CD44: variants seen among roughly 807,000 people sequenced by gnomAD.
CD44 encodes the protein CD44 molecule (IN blood group).
Under a neutral mutation model 88.8 loss-of-function variants are expected in CD44, and 49 were observed. That is an observed-to-expected ratio of 0.55 (90% CI 0.44 to 0.70). The LOEUF is 0.70. Among genes scored for constraint, CD44 ranks in the 30% least tolerant of loss-of-function variants. The pLI, the probability that CD44 is intolerant of heterozygous loss-of-function variation, is 0.00. For missense variants in CD44, 883 were observed against 913.8 expected, an observed-to-expected ratio of 0.97 and a Z score of 0.43; for synonymous variants, 325 against 312.3, an observed-to-expected ratio of 1.04 and a Z score of -0.43.
intron 1 of CD44, among the ~76,000 whole-genome samples, chr11:35,155,883 G>A (rs1941799385): frequency 6.6e-6 from 1 of 152,236 alleles, no homozygotes; most frequent in East Asian, 1.9e-4. Flanking sequence ...AAGTGTTTTC[G>A]GTTCCATTAT....
intron 1 of CD44, among the ~76,000 whole-genome samples, chr11:35,175,951 T>C (rs767632119): frequency 5.4e-5 from 8 of 149,028 alleles, no homozygotes; most frequent in Non-Finnish European, 1.2e-4. Flanking sequence ...CTGTAACCTC[T>C]GCCTCCTGGT....
rs748686672 is a variant in CD44, at chr11:35,201,744, T to C, written c.1110T>C (p.His370=). ...NPEAHPPLIH[H]EHHEEEETPH... is the part of the protein sequence containing the mutation. The stretch of plus-strand genomic sequence containing the variant: ...AAGCACACCCTCCCCTCATTCACCA[T>C]GAGCATCATGAGGAAGAAGAGACCC... The change falls in exon 9 of 18, where the codon CAT becomes CAC. Residue 370 remains histidine, a synonymous_variant. Coordinates refer to ENST00000428726, the MANE Select transcript of CD44 (RefSeq NM_000610.4). 5 of 1,613,606 alleles carry C rather than the reference T, an allele frequency of 3.1e-6. No individual in the cohort carries two copies. The African/African-American group carries it at 6.7e-5, about 22-fold the overall frequency.
chr11:35,143,564 C>T (rs1858438968), intron 1 of CD44, among the ~76,000 whole-genome samples: 2 of 152,086 alleles, frequency 1.3e-5, no homozygotes, highest in Admixed American at 6.5e-5. Context: ...TGTTAGACTC[C>T]AATGCTTATG....
intron 14 of CD44, among the ~76,000 whole-genome samples, chr11:35,214,221 A>G (rs1417372459): frequency 6.6e-6 from 1 of 152,174 alleles, no homozygotes; most frequent in Non-Finnish European, 1.5e-5. Context: ...TAAACTTACT[A>G]TAATACCCAT....
chr11:35,208,278 G>A, intron 12 of CD44, 72 bp downstream of exon 12: 2 of 1,025,172 alleles, frequency 2.0e-6, no homozygotes, highest in Non-Finnish European at 3.1e-6. Flanking sequence ...TATTGGCCAA[G>A]ATGCAGAGCT....
At chr11:35,192,401 C>T (rs182110035) in intron 5 of CD44, among the ~76,000 whole-genome samples, 4 of 152,292 alleles carry the variant, frequency 2.6e-5, no homozygotes, top group Non-Finnish European at 4.4e-5. Context: ...TTCTAAAGTC[C>T]AGTGAGGAGA....
chr11:35,176,777 C>T lies in CD44; in HGVS notation c.233+37C>T, dbSNP rs375417895. On this transcript the variant is annotated intron_variant, in intron 2 of 17. Transcript: ENST00000428726. ...GCACCCGACCACTGGGGAAAGCTGG[C>T]GGCCTGGGACCAGGCAGCTGGGCTT... The T allele has an allele frequency of 1.1e-5, 17 of 1,594,888 alleles. No individual in the cohort carries two copies. The African/African-American group carries it at 1.6e-4, about 15-fold the overall frequency.
At position 35,181,043 on chromosome 11, in the gene CD44, C is replaced by T. The variant is rs144779084; in HGVS notation, c.367+636C>T. Among the ~76,000 whole-genome samples, 14 of 152,204 alleles carry T rather than the reference C, an allele frequency of 9.2e-5. No individual in the cohort carries two copies. The East Asian group carries it at 9.7e-4, about 10-fold the overall frequency. ...AGAGAGCTAAGCAAGGGCCAGCTAA[C>T]GGGGTGATTCATTCTCAGTGTGATG... On this transcript the variant is annotated intron_variant, in intron 3 of 17. Transcript: ENST00000428726.
At chr11:35,158,155 C>T (rs572312011) in intron 1 of CD44, among the ~76,000 whole-genome samples, 1 of 152,206 alleles carries the variant, frequency 6.6e-6, no homozygotes, top group Non-Finnish European at 1.5e-5. Flanking sequence ...AAAGTAGCTT[C>T]CCAGAGCCCT....
chr11:35,166,388 A>G (rs1943265078), intron 1 of CD44, among the ~76,000 whole-genome samples: 1 of 151,832 alleles, frequency 6.6e-6, no homozygotes, highest in South Asian at 2.1e-4. Flanking sequence ...CAGGACCAGG[A>G]GTGGGGGGTT....
At chr11:35,184,419 T>C (rs191968685) in intron 3 of CD44, among the ~76,000 whole-genome samples, 3 of 152,302 alleles carry the variant, frequency 2.0e-5, no homozygotes, top group East Asian at 3.9e-4. Flanking sequence ...GTTTCATCCC[T>C]GGCATCAAGA....
intron 1 of CD44, among the ~76,000 whole-genome samples, chr11:35,167,982 C>T (rs1163629281): frequency 6.6e-6 from 1 of 152,238 alleles, no homozygotes; most frequent in African/African-American, 2.4e-5. Context: ...GAGAAGCAGT[C>T]AGCCCACTGC....
Position 35,196,776 on chromosome 11 carries a change from A to C in CD44, c.698A>C (p.Glu233Ala), listed in dbSNP as rs1946799342. 1 of 1,613,778 alleles carries C rather than the reference A, an allele frequency of 6.2e-7. No homozygotes were observed. The highest frequency in any genetic ancestry group is 8.5e-7 in the Non-Finnish European group (1 of 1,179,804). ...TLMSTSATAT[E>A]TATKRQETWD... ...ATGAGCACTAGTGCTACAGCAACTGAGACAGCAACCAAGAGGCAAGAAACC... is the reference window on the plus strand; with the variant it reads ...ATGAGCACTAGTGCTACAGCAACTGCGACAGCAACCAAGAGGCAAGAAACC... The change falls in exon 6 of 18, where the codon GAG becomes GCG. Residue 233 changes from glutamate (E) to alanine (A), a missense_variant. This residue lies in a region of CD44 where 252 missense variants were observed against 322.9 expected (regional missense o/e 0.78). Coordinates refer to ENST00000428726, the MANE Select transcript of CD44 (RefSeq NM_000610.4).
intron 1 of CD44, among the ~76,000 whole-genome samples, chr11:35,148,878 T>C (rs1859737048): frequency 6.6e-6 from 1 of 152,256 alleles, no homozygotes; most frequent in South Asian, 2.1e-4. Flanking sequence ...TCTTCATTTT[T>C]TTTCTTTCTG....
intron 1 of CD44, among the ~76,000 whole-genome samples, chr11:35,165,216 G>A (rs575577838): frequency 8.5e-5 from 13 of 152,310 alleles, no homozygotes; most frequent in Non-Finnish European, 1.8e-4. Flanking sequence ...ATGTCAGGGA[G>A]AGAAAGAAAC....
At chr11:35,186,941 G>T (rs1313432602) in intron 4 of CD44, 41 bp downstream of exon 4, 1 of 1,214,530 alleles carries the variant, frequency 8.2e-7, no homozygotes, top group Admixed American at 1.7e-5. Flanking sequence ...TTCCTATTTT[G>T]GGGAAAGGGC....
At chr11:35,215,653 G>A (rs1451430848) in intron 15 of CD44, among the ~76,000 whole-genome samples, 1 of 152,076 alleles carries the variant, frequency 6.6e-6, no homozygotes, top group Non-Finnish European at 1.5e-5. Context: ...GGAGGCCGAG[G>A]CAGGTGGATC....
intron 1 of CD44, among the ~76,000 whole-genome samples, chr11:35,145,775 T>C (rs1859023414): frequency 6.6e-6 from 1 of 152,182 alleles, no homozygotes; most frequent in African/African-American, 2.4e-5. Flanking sequence ...GTAGAAGTAC[T>C]ATATGGGAGA....
At chr11:35,192,808 T>C (rs1946394818) in intron 5 of CD44, among the ~76,000 whole-genome samples, 1 of 150,970 alleles carries the variant, frequency 6.6e-6, no homozygotes, top group Non-Finnish European at 1.5e-5. Context: ...TTTTTTTTTT[T>C]TTCAGATCTG....
Sources: allele counts gnomAD v4.1 joint callset (sites outside exome capture counted in the v4.1 genomes callset), GRCh38; gene constraint gnomAD v4.1.1; regional missense constraint gnomAD v4.1.1; transcripts MANE v1.5; gene names NCBI Gene and HGNC (gene_info 2026-07-23, HGNC 2026-07-21).